PML: variants seen among roughly 807,000 people sequenced by gnomAD.
The protein encoded by PML is PML nuclear body scaffold.
In PML, 28 loss-of-function variants were observed where a neutral mutation model predicts 65.2. The ratio of observed to expected loss-of-function variants is 0.43; its 90% CI spans 0.32 to 0.59. The LOEUF (loss-of-function observed/expected upper bound fraction) is 0.59, where lower values mean the gene tolerates loss of function less well. Among genes scored for constraint, PML ranks in the 20% least tolerant of loss-of-function variants. PML has a pLI of 0.08. For missense variants in PML, 1,021 were observed against 1,203.4 expected (o/e 0.85, Z 2.24); for synonymous variants, 500 against 508.8 (o/e 0.98, Z 0.23).
intron 2 of PML, among the ~76,000 whole-genome samples, chr15:74,016,397 G>A (rs2070576756): frequency 6.6e-6 from 1 of 151,974 alleles, no homozygotes; most frequent in African/African-American, 2.4e-5. Context: ...GCAAGACCCT[G>A]TCTCTGAAAA....
intron 4 of PML, chr15:74,031,126 A>G (rs2071303570): frequency 3.4e-6 from 1 of 293,948 alleles, no homozygotes; most frequent in Non-Finnish European, 6.8e-6. Flanking sequence ...TTACCCATGA[A>G]GCAGTCAGTC....
chr15:74,023,162 G>T lies in PML; in HGVS notation c.937G>T (p.Ala313Ser), dbSNP rs746145846. 1.2e-6 allele frequency: 2 copies of T among 1,605,350 alleles called. No homozygotes were observed. Among genetic ancestry groups the T allele is most frequent in the Admixed American group, 1.7e-5 (1 of 59,886 alleles). ...GTACCAGCGCGACTACGAGGAGATG[G>T]CCAGTCGGCTGGGCCGCCTGGATGC... is the stretch of plus-strand genomic sequence containing the variant. The part of the protein sequence containing the change: ...ARYQRDYEEM[A>S]SRLGRLDAVL... Residue 313 changes from alanine (A) to serine (S), a missense_variant, in exon 3 of 9, where the codon GCC becomes TCC. Ala to Ser is a moderately conservative substitution (Grantham distance 99, BLOSUM62 1). Coordinates refer to ENST00000268058, the MANE Select transcript of PML (RefSeq NM_033238.3).
intron 4 of PML, chr15:74,031,271 T>A (rs1271334462): frequency 1.4e-5 from 6 of 443,716 alleles, no homozygotes; most frequent in African/African-American, 2.0e-5. Context: ...TTTAAAAAAA[T>A]TTATTATTAT....
At position 74,010,185 on chromosome 15, in the gene PML, A is replaced by ATTTTTTTTTTTTTTTTTTT. The variant is rs536738558; in HGVS notation, c.602+11719_602+11737dup. Among the ~76,000 whole-genome samples the ATTTTTTTTTTTTTTTTTTT allele has an allele frequency of 5.6e-4, 44 of 77,936 alleles. 2 individuals carry two copies. Among genetic ancestry groups the ATTTTTTTTTTTTTTTTTTT allele is most frequent in the Non-Finnish European group, 9.2e-4 (39 of 42,206 alleles). 51.1% of individuals were successfully genotyped at this position (77,936 alleles called of 152,430 possible). A position where few individuals can be genotyped will look rare whatever the true frequency, so the allele number is the denominator to read the frequency against. Reference sequence around the variant, plus strand: ...AGACATGCACCACCATGCCCAGCTAATTTTTTTTTTTTTTTTTTTTTTTTT... The same window carrying ATTTTTTTTTTTTTTTTTTT: ...AGACATGCACCACCATGCCCAGCTAATTTTTTTTTTTTTTTTTTTTTTTTTTTTTTTTTTTTTTTTTTTT... On this transcript the variant is annotated intron_variant, in intron 2 of 8. Coordinates refer to ENST00000268058, the MANE Select transcript of PML (RefSeq NM_033238.3).
At chr15:74,001,497 G>T (rs189855262) in intron 2 of PML, among the ~76,000 whole-genome samples, 10 of 152,042 alleles carry the variant, frequency 6.6e-5, no homozygotes, top group African/African-American at 2.4e-4. Flanking sequence ...CCACCACCAT[G>T]CCTGGCTAAT....
intron 4 of PML, among the ~76,000 whole-genome samples, chr15:74,028,961 G>A (rs1278356649): frequency 2.6e-5 from 4 of 152,162 alleles, no homozygotes; most frequent in Non-Finnish European, 4.4e-5. Context: ...CTATGAACAC[G>A]GGTGTACAGA....
intron 4 of PML, among the ~76,000 whole-genome samples, chr15:74,031,455 T>C (rs748735961): frequency 6.6e-6 from 1 of 152,226 alleles, no homozygotes; most frequent in Non-Finnish European, 1.5e-5. Context: ...TTTCATTTAA[T>C]GTAATACATT....
intron 4 of PML, chr15:74,026,071 TCA>T (rs2071060051): frequency 6.6e-6 from 1 of 152,270 alleles, no homozygotes; most frequent in African/African-American, 2.4e-5. Flanking sequence ...CCCCTTTTTT[TCA>T]CAGAGGACGA....
In PML at chr15:74,044,903, C is replaced by G; in HGVS notation, c.2544C>G (p.Thr848=). The G allele has an allele frequency of 6.2e-7, 1 of 1,613,592 alleles. No homozygotes were observed. The highest frequency in any genetic ancestry group is 8.5e-7 in the Non-Finnish European group (1 of 1,180,028). The change falls in exon 9 of 9, where the codon ACC becomes ACG. Residue 848 remains threonine (T), a synonymous_variant. Coordinates refer to ENST00000268058, the MANE Select transcript of PML (RefSeq NM_033238.3). ...CTTTCAACCTGCAGGCTCTGGGCAC[C>G]TACTTTGAAGGCCTGTTGGAGGGTC... ...QPAFNLQALG[T]YFEGLLEGPA... is the part of the protein sequence containing the mutation.
At position 73,998,303 on chromosome 15, in the gene PML, C is replaced by T. The variant is rs772957093; in HGVS notation, c.429C>T (p.Cys143=). 1.2e-6 allele frequency: 2 copies of T among 1,614,208 alleles called. No homozygotes were observed. Among genetic ancestry groups the T allele is most frequent in the South Asian group, 2.2e-5 (2 of 91,082 alleles). Residue 143 remains cysteine, a synonymous_variant, in exon 2 of 9, where the codon TGC becomes TGT. Coordinates refer to ENST00000268058, the MANE Select transcript of PML (RefSeq NM_033238.3). The part of the protein sequence containing the change: ...KESADFWCFE[C]EQLLCAKCFE... ...CGGCCGACTTCTGGTGCTTTGAGTGCGAGCAGCTCCTCTGCGCCAAGTGCT... is the reference window on the plus strand; with the variant it reads ...CGGCCGACTTCTGGTGCTTTGAGTGTGAGCAGCTCCTCTGCGCCAAGTGCT...
intron 4 of PML, chr15:74,026,841 G>C (rs1022890147): frequency 9.2e-5 from 14 of 152,000 alleles, no homozygotes; most frequent in African/African-American, 3.1e-4. Context: ...TAGGAGAGAT[G>C]GGGTTTTGCT....
Position 74,044,920 on chromosome 15 carries a change from TG to T in PML, c.2563del (p.Glu855ArgfsTer33). 6.2e-7 allele frequency: 1 copy of T among 1,613,490 alleles called. No individual in the cohort carries two copies. Among genetic ancestry groups the T allele is most frequent in the African/African-American group, 1.3e-5 (1 of 75,066 alleles). On this transcript the variant is annotated frameshift_variant, in exon 9 of 9. Coordinates refer to ENST00000268058, the MANE Select transcript of PML (RefSeq NM_033238.3). LOFTEE classifies it low-confidence loss of function (END_TRUNC). The stretch of plus-strand genomic sequence containing the variant: ...CTGGGCACCTACTTTGAAGGCCTGT[TG>T]GAGGGTCCGGCGCTGGCACGGGCAG... ...QALGTYFEGL[L>X]EGPALARAEG... is the part of the protein sequence containing the mutation.
At chr15:74,020,927 G>A (rs896203818) in intron 2 of PML, among the ~76,000 whole-genome samples, 5 of 152,012 alleles carry the variant, frequency 3.3e-5, no homozygotes, top group East Asian at 3.8e-4. Flanking sequence ...ACGTGATTAC[G>A]TTGAACCCAC....
At chr15:74,021,771 A>C (rs1360369813) in intron 2 of PML, among the ~76,000 whole-genome samples, 1 of 152,104 alleles carries the variant, frequency 6.6e-6, no homozygotes, top group South Asian at 2.1e-4. Context: ...AAAGAAAGAA[A>C]ATGCACAAAC....
At chr15:73,999,075 GGA>G (rs879768553) in intron 2 of PML, among the ~76,000 whole-genome samples, 5 of 152,114 alleles carry the variant, frequency 3.3e-5, no homozygotes, top group East Asian at 1.9e-4. Context: ...TTTGTAAAGA[GGA>G]GAGAGAGAGT....
At chr15:74,004,992 G>A (rs186410576) in intron 2 of PML, among the ~76,000 whole-genome samples, 63 of 152,270 alleles carry the variant, frequency 4.1e-4, no homozygotes, top group East Asian at 3.1e-3. Flanking sequence ...GATTATAGGC[G>A]TGAGCCACTG....
intron 7 of PML, chr15:74,036,118 G>A: frequency 2.5e-6 from 4 of 1,612,388 alleles, no homozygotes; most frequent in Non-Finnish European, 3.4e-6. Context: ...TCTGGGCAGG[G>A]AGACCTGGGT....
chr15:74,001,527 G>A (rs2069762104), intron 2 of PML, among the ~76,000 whole-genome samples: 1 of 151,934 alleles, frequency 6.6e-6, no homozygotes, highest in African/African-American at 2.4e-5. Context: ...TTTTAGTAGA[G>A]ACGGGGTTTC....
intron 2 of PML, among the ~76,000 whole-genome samples, chr15:74,018,287 C>T (rs1371237104): frequency 7.0e-6 from 1 of 143,582 alleles, no homozygotes; most frequent in Admixed American, 7.0e-5. Context: ...TGTGCCACTG[C>T]ACTCCAGCCT....
Sources: allele counts gnomAD v4.1 joint callset (sites outside exome capture counted in the v4.1 genomes callset), GRCh38; gene constraint gnomAD v4.1.1; transcripts MANE v1.5; gene names NCBI Gene and HGNC (gene_info 2026-07-23, HGNC 2026-07-21).